Variants in OPHN1 observed in about 807,000 individuals in gnomAD.
OPHN1 encodes the protein oligophrenin-1.
In OPHN1, 11 loss-of-function variants were observed where a neutral mutation model predicts 60.7. The ratio of observed to expected loss-of-function variants is 0.18; its 90% CI spans 0.11 to 0.30. OPHN1 has a LOEUF of 0.30. Ranked by LOEUF, OPHN1 falls within the 10% of genes least tolerant of loss-of-function variation. The pLI is 1.00. For missense variants in OPHN1, 449 were observed against 611.0 expected (o/e 0.73, Z 2.80); for synonymous variants, 226 against 222.6 (o/e 1.02, Z -0.14).
chrX:68,197,619 TTGTC>T (rs2077518349), intron 11 of OPHN1, among the ~76,000 whole-genome samples: 1 of 110,904 alleles, frequency 9.0e-6, no homozygotes, highest in Admixed American at 9.7e-5. Context: ...GCCAGCCACT[TTGTC>T]TGAGCTCTAG....
intron 15 of OPHN1, among the ~76,000 whole-genome samples, chrX:68,180,662 C>T (rs375521052): frequency 8.9e-6 from 1 of 111,926 alleles, no homozygotes; most frequent in African/African-American, 3.2e-5. Context: ...GAATAACCAG[C>T]AGAGGCTAAA....
chrX:68,103,389 G>C lies in OPHN1; in HGVS notation c.1527-6360C>G, dbSNP rs770260397. On this transcript the variant is annotated intron_variant, in intron 18 of 24. Coordinates refer to ENST00000355520, the MANE Select transcript of OPHN1 (RefSeq NM_002547.3). ...GATGGAACATATCTCAAAATAATAAGAGATATTTATGACAAATCAACAGGC... is the reference window on the plus strand; with the variant it reads ...GATGGAACATATCTCAAAATAATAACAGATATTTATGACAAATCAACAGGC... 6.3e-5 allele frequency among the ~76,000 whole-genome samples: 7 copies of C among 111,974 alleles called. No homozygotes were observed. The South Asian group carries it at 2.2e-3, about 36-fold the overall frequency.
chrX:68,134,751 T>G (rs949073691), intron 15 of OPHN1, among the ~76,000 whole-genome samples: 1 of 110,178 alleles, frequency 9.1e-6, no homozygotes, highest in Admixed American at 9.6e-5. Context: ...TTATTAAAAA[T>G]AGAATTTGGA....
At chrX:68,049,333 T>G (rs928413154) in intron 23 of OPHN1, among the ~76,000 whole-genome samples, 1 of 112,030 alleles carries the variant, frequency 8.9e-6, no homozygotes, top group African/African-American at 3.2e-5. Context: ...TGTCCAAAAT[T>G]GAGCTCAGCA....
intron 19 of OPHN1, among the ~76,000 whole-genome samples, chrX:68,075,073 G>A (rs767716954): frequency 1.8e-5 from 2 of 112,556 alleles, no homozygotes; most frequent in East Asian, 2.8e-4. Flanking sequence ...ACATGCAACA[G>A]TAGTTTTAAA....
intron 2 of OPHN1, among the ~76,000 whole-genome samples, chrX:68,429,536 C>T (rs779968769): frequency 1.9e-4 from 21 of 110,661 alleles, no homozygotes; most frequent in African/African-American, 5.6e-4. Context: ...TCAGCCTGGG[C>T]GAGATCAGTG....
At chrX:68,332,857 G>A (rs982228521) in intron 2 of OPHN1, among the ~76,000 whole-genome samples, 4 of 110,553 alleles carry the variant, frequency 3.6e-5, no homozygotes, top group Non-Finnish European at 5.7e-5. Context: ...AACACAGGCT[G>A]CTACTGTGCC....
At chrX:68,380,638 C>A (rs1023491471) in intron 2 of OPHN1, among the ~76,000 whole-genome samples, 14 of 111,133 alleles carry the variant, frequency 1.3e-4, no homozygotes, top group African/African-American at 4.6e-4. Flanking sequence ...TGTCTTTGTT[C>A]TCATTGGTTT....
At chrX:68,261,466 G>C (rs2077893049) in intron 5 of OPHN1, among the ~76,000 whole-genome samples, 1 of 111,271 alleles carries the variant, frequency 9.0e-6, no homozygotes, top group African/African-American at 3.3e-5. Context: ...TTAATCTTGG[G>C]TCAGAGAAGT....
intron 2 of OPHN1, among the ~76,000 whole-genome samples, chrX:68,379,233 C>G (rs1221481029): frequency 1.8e-5 from 2 of 110,548 alleles, no homozygotes; most frequent in Non-Finnish European, 3.8e-5. Context: ...GGCTCTCTGT[C>G]TGTTATTGGT....
intron 2 of OPHN1, among the ~76,000 whole-genome samples, chrX:68,392,842 C>A (rs188020995): frequency 9.1e-6 from 1 of 109,294 alleles, no homozygotes; most frequent in Non-Finnish European, 1.9e-5. Flanking sequence ...TCTTCCCACT[C>A]GATCCCCCCT....
intron 15 of OPHN1, among the ~76,000 whole-genome samples, chrX:68,149,187 C>G (rs1487311759): frequency 9.0e-6 from 1 of 111,368 alleles, no homozygotes; most frequent in Non-Finnish European, 1.9e-5. Context: ...CTTGCTCCTG[C>G]AGCTTTCATA....
At chrX:68,300,134 T>C (rs1415466470) in intron 2 of OPHN1, among the ~76,000 whole-genome samples, 2 of 112,033 alleles carry the variant, frequency 1.8e-5, no homozygotes, top group Non-Finnish European at 3.8e-5. Context: ...TTTTTGGCTC[T>C]CTTTTCCGAT....
At chrX:68,222,279 A>G (rs1339212875) in intron 6 of OPHN1, among the ~76,000 whole-genome samples, 89 of 108,370 alleles carry the variant, frequency 8.2e-4, no homozygotes, top group African/African-American at 2.9e-3. Flanking sequence ...TCAGGAAACA[A>G]CAGGTGCTGG....
chrX:68,329,604 A>G (rs1394793037), intron 2 of OPHN1, among the ~76,000 whole-genome samples: 1 of 111,984 alleles, frequency 8.9e-6, no homozygotes, highest in Non-Finnish European at 1.9e-5. Context: ...TAACTATGCA[A>G]ATGTTCTAAA....
At chrX:68,227,027 A>T (rs1371062607) in intron 6 of OPHN1, among the ~76,000 whole-genome samples, 1 of 111,493 alleles carries the variant, frequency 9.0e-6, no homozygotes, top group Non-Finnish European at 1.9e-5. Flanking sequence ...ACGTGCAGAG[A>T]CACACACAGG....
chrX:68,102,705 T>C (rs956492846), intron 18 of OPHN1, among the ~76,000 whole-genome samples: 1 of 111,851 alleles, frequency 8.9e-6, no homozygotes. Context: ...TCACCACTGA[T>C]ACCACAGAAA....
At chrX:68,402,792 GC>G (rs1225343293) in intron 2 of OPHN1, among the ~76,000 whole-genome samples, 1 of 111,628 alleles carries the variant, frequency 9.0e-6, no homozygotes, top group Admixed American at 9.6e-5. Context: ...AATGGAAAGG[GC>G]CAAGACAGGT....
chrX:68,433,490 T>C lies in OPHN1; in HGVS notation c.-327A>G. ...CCTCGCTCCGGAGCGAGCGGAAGAC[T>C]TCCTTGGCCGAACTCCGCGGGCAAC... On this transcript the variant is annotated 5_prime_UTR_variant, in exon 1 of 25. Coordinates refer to ENST00000355520, the MANE Select transcript of OPHN1 (RefSeq NM_002547.3). The C allele has an allele frequency of 3.7e-6, 1 of 273,950 alleles. No homozygotes were observed. The highest frequency in any genetic ancestry group is 6.4e-6 in the Non-Finnish European group (1 of 155,748). 22.6% of individuals were successfully genotyped at this position (273,950 alleles called of 1,213,427 possible).
Sources: gnomAD v4.1 joint callset for allele counts (sites outside exome capture counted in the v4.1 genomes callset) on GRCh38, gnomAD v4.1.1 for gene constraint, MANE v1.5 for transcripts, NCBI Gene and HGNC (gene_info 2026-07-23, HGNC 2026-07-21) for gene names.